Variants in ZDBF2 observed in about 807,000 individuals in gnomAD.
ZDBF2 encodes zinc finger DBF-type containing 2, also known as DBF4-type zinc finger-containing protein 2.
ZDBF2 carries 6 observed loss-of-function variants against 9.4 expected under a neutral mutation model. The observed-to-expected ratio is 0.64, with a 90% CI of 0.35 to 1.27. The LOEUF (loss-of-function observed/expected upper bound fraction) is 1.27, where lower values mean the gene tolerates loss of function less well. ZDBF2 is among the 50% of genes most tolerant of loss of function. The probability of loss-of-function intolerance (pLI) is 0.03; values close to 1 mark genes in which losing one functional copy is unlikely to be tolerated. For missense variants in ZDBF2, 2,697 were observed against 2,766.8 expected (o/e 0.97, Z 0.57); for synonymous variants, 905 against 946.3 (o/e 0.96, Z 0.80).
At chr2:206,282,030 C>A (rs1691347143) in intron 3 of ZDBF2, 121 bp downstream of exon 3, 1 of 908,632 alleles carries the variant, frequency 1.1e-6, no homozygotes, top group Non-Finnish European at 1.6e-6. Flanking sequence ...TATTAGTTGG[C>A]AGACACTGTT....
rs916178672 is a variant in ZDBF2, at chr2:206,311,710, G to T, written c.*117G>T. On this transcript the variant is annotated 3_prime_UTR_variant, in exon 5 of 5. Coordinates refer to ENST00000374423, the MANE Select transcript of ZDBF2 (RefSeq NM_020923.3). ...GAGAAAACTAATCTTGAACTATTTT[G>T]CTATAAATATTATTTTTCAGAATTT... 7.6e-6 allele frequency: 8 copies of T among 1,053,102 alleles called. No homozygotes were observed. Among genetic ancestry groups the T allele is most frequent in the African/African-American group, 3.3e-5 (2 of 60,624 alleles). The allele number at this position is 1,053,102 out of a possible 1,614,324, so 65.2% of individuals were successfully genotyped here.
chr2:206,291,391 G>A (rs980102623), intron 3 of ZDBF2, among the ~76,000 whole-genome samples: 3 of 152,124 alleles, frequency 2.0e-5, no homozygotes, highest in Admixed American at 6.6e-5. Context: ...AGGTGGAAAC[G>A]CTTGCTTGCC....
In ZDBF2 at chr2:206,311,771, CATTTT is replaced by C. The variant is rs973632436; in HGVS notation, c.*180_*184del. 57 of 572,738 alleles carry C rather than the reference CATTTT, an allele frequency of 1.0e-4. No homozygotes were observed. The East Asian group carries it at 2.0e-3, about 20-fold the overall frequency. The allele number at this position is 572,738 out of a possible 1,614,324, so 35.5% of individuals were successfully genotyped here. On this transcript the variant is annotated 3_prime_UTR_variant, in exon 5 of 5. Coordinates refer to ENST00000374423, the MANE Select transcript of ZDBF2 (RefSeq NM_020923.3). Reference sequence around the variant, plus strand: ...TTAAAATTAGTGTTTAGAGTCCTTTCATTTTAAGATTCAGAAACAGCCTTTGTCCA... The same window carrying C: ...TTAAAATTAGTGTTTAGAGTCCTTTCAAGATTCAGAAACAGCCTTTGTCCA...
chr2:206,296,689 G>A (rs1322598477), intron 3 of ZDBF2, among the ~76,000 whole-genome samples: 9 of 152,118 alleles, frequency 5.9e-5, no homozygotes, highest in East Asian at 1.9e-4. Context: ...GAAACCATAC[G>A]TGTGGTTTTT....
At chr2:206,299,804 C>G (rs1396464312) in intron 4 of ZDBF2, among the ~76,000 whole-genome samples, 1 of 148,960 alleles carries the variant, frequency 6.7e-6, no homozygotes. Context: ...GTCTTGGCCT[C>G]TAAAAAAAAA....
In ZDBF2 at chr2:206,309,750, G is replaced by C. The variant is rs554504771; in HGVS notation, c.5222G>C (p.Cys1741Ser). The C allele has an allele frequency of 8.7e-6, 14 of 1,613,964 alleles. No individual in the cohort carries two copies. The highest frequency in any genetic ancestry group is 1.2e-5 in the Non-Finnish European group (14 of 1,179,886). The change falls in exon 5 of 5, where the codon TGT (cysteine) becomes TCT (serine). Residue 1741 changes from cysteine to serine, a missense_variant. By Grantham distance (112) the Cys-to-Ser change is moderately radical (BLOSUM62 -1). Transcript: ENST00000374423. ...KLKHRDLEVS[C>S]EPDGFEMNFQ... Reference sequence around the variant, plus strand: ...AAACATAGAGATCTAGAAGTGAGCTGTGAACCGGATGGTTTTGAGATGAAT... The same window carrying C: ...AAACATAGAGATCTAGAAGTGAGCTCTGAACCGGATGGTTTTGAGATGAAT...
chr2:206,290,569 G>T (rs1035178753), intron 3 of ZDBF2, among the ~76,000 whole-genome samples: 2 of 152,154 alleles, frequency 1.3e-5, no homozygotes, highest in Non-Finnish European at 2.9e-5. Flanking sequence ...CACTTCTTAT[G>T]CTAAATTTAT....
At chr2:206,297,932 T>C (rs1409262757) in intron 4 of ZDBF2, among the ~76,000 whole-genome samples, 6 of 152,108 alleles carry the variant, frequency 3.9e-5, no homozygotes, top group Non-Finnish European at 2.9e-5. Context: ...CCACCCGCCT[T>C]GGCCTCCCAA....
At chr2:206,304,586 G>T in intron 4 of ZDBF2, 131 bp from the exon 5 acceptor site, 1 of 1,140,940 alleles carries the variant, frequency 8.8e-7, no homozygotes, top group East Asian at 2.6e-5. Flanking sequence ...TCAGCCTGGG[G>T]TGACTGCCTG....
Position 206,304,842 on chromosome 2 carries a change from A to T in ZDBF2, c.314A>T (p.Glu105Val). ...GTTGAGGATGAGGATGCTACCGAAG[A>T]GAGACCATCCGAGGTTTCAGAACCT... ...DKVEDEDATE[E>V]RPSEVSEPIE... Residue 105 changes from glutamate to valine, a missense_variant, in exon 5 of 5, where the codon GAG becomes GTG. By Grantham distance (121) the Glu-to-Val change is moderately radical. Transcript: ENST00000374423. 1 of 1,613,774 alleles carries T rather than the reference A, an allele frequency of 6.2e-7. No individual in the cohort carries two copies. Among genetic ancestry groups the T allele is most frequent in the Non-Finnish European group, 8.5e-7 (1 of 1,179,780 alleles).
chr2:206,310,996 C>A lies in ZDBF2; in HGVS notation c.6468C>A (p.Val2156=). 6.2e-7 allele frequency: 1 copy of A among 1,612,140 alleles called. No individual in the cohort carries two copies. Among genetic ancestry groups the A allele is most frequent in the South Asian group, 1.1e-5 (1 of 90,434 alleles). ...FQLTFLNHDV[V]KISPKSVRNK... ...TAACATTTTTAAATCATGATGTTGTCAAAATCTCTCCAAAATCAGTTAGAA... is the reference window on the plus strand; with the variant it reads ...TAACATTTTTAAATCATGATGTTGTAAAAATCTCTCCAAAATCAGTTAGAA... Residue 2156 remains valine (V), a synonymous_variant, in exon 5 of 5, where the codon GTC becomes GTA. Coordinates refer to ENST00000374423, the MANE Select transcript of ZDBF2 (RefSeq NM_020923.3).
At chr2:206,276,123 A>G (rs1029019900) in intron 1 of ZDBF2, among the ~76,000 whole-genome samples, 2 of 152,238 alleles carry the variant, frequency 1.3e-5, no homozygotes, top group African/African-American at 4.8e-5. Flanking sequence ...TTTAAAAAAA[A>G]ATAAGATCGC....
At position 206,306,971 on chromosome 2, in the gene ZDBF2, G is replaced by A. The variant is rs1692835457; in HGVS notation, c.2443G>A (p.Val815Ile). The A allele has an allele frequency of 1.2e-6, 2 of 1,613,648 alleles. No homozygotes were observed. Among genetic ancestry groups the A allele is most frequent in the Non-Finnish European group, 1.7e-6 (2 of 1,179,742 alleles). The change falls in exon 5 of 5, where the codon GTT (valine) becomes ATT (isoleucine). Residue 815 changes from valine to isoleucine, a missense_variant. This residue lies in a region of ZDBF2 where 910 missense variants were observed against 973.6 expected (regional missense o/e 0.93). Coordinates refer to ENST00000374423, the MANE Select transcript of ZDBF2 (RefSeq NM_020923.3). ...AGTAGCTGTTTATGAGGAAGAAACTGTTGATCTGGAAAGTAAAAGTAATGA... is the reference window on the plus strand; with the variant it reads ...AGTAGCTGTTTATGAGGAAGAAACTATTGATCTGGAAAGTAAAAGTAATGA... The part of the protein sequence containing the change: ...PEVAVYEEET[V>I]DLESKSNESC...
rs757363502 is a variant in ZDBF2 at position 206,307,603 on chromosome 2, G to A, written c.3075G>A (p.Lys1025=). Residue 1025 remains lysine, a synonymous_variant, in exon 5 of 5, where the codon AAG becomes AAA. Coordinates refer to ENST00000374423, the MANE Select transcript of ZDBF2 (RefSeq NM_020923.3). ...QVAVNKINRK[K]QYVLENKNDK... is the part of the protein sequence containing the mutation. The stretch of plus-strand genomic sequence containing the variant: ...CTGTTAACAAAATAAACAGAAAGAA[G>A]CAATATGTTCTAGAAAACAAGAATG... 3.1e-6 allele frequency: 5 copies of A among 1,612,320 alleles called. No individual in the cohort carries two copies. The highest frequency in any genetic ancestry group is 1.1e-5 in the South Asian group (1 of 90,530).
chr2:206,287,560 G>A (rs2105910923), intron 3 of ZDBF2, among the ~76,000 whole-genome samples: 1 of 152,260 alleles, frequency 6.6e-6, no homozygotes, highest in Middle Eastern at 3.4e-3. Flanking sequence ...TTTTTGGGTT[G>A]AATGTATTTG....
chr2:206,303,684 T>G (rs1259989199), intron 4 of ZDBF2, among the ~76,000 whole-genome samples: 1 of 152,192 alleles, frequency 6.6e-6, no homozygotes, highest in African/African-American at 2.4e-5. Context: ...CTTCTTAAAT[T>G]GCTGCCATCC....
Position 206,307,067 on chromosome 2 carries a change from G to A in ZDBF2, c.2539G>A (p.Ala847Thr). The A allele has an allele frequency of 6.2e-7, 1 of 1,612,054 alleles. No individual in the cohort carries two copies. The highest frequency in any genetic ancestry group is 8.5e-7 in the Non-Finnish European group (1 of 1,179,350). The change falls in exon 5 of 5, where the codon GCT (alanine) becomes ACT (threonine). Residue 847 changes from alanine (A) to threonine (T), a missense_variant. Transcript: ENST00000374423. ...LHSGNDHPEV[A>T]VKEVIQKEEY... The stretch of plus-strand genomic sequence containing the variant: ...TTCAGGAAATGATCACCCTGAAGTA[G>A]CTGTTAAAGAAGTAATTCAGAAAGA...
intron 3 of ZDBF2, among the ~76,000 whole-genome samples, chr2:206,290,349 C>T (rs1691824361): frequency 1.3e-5 from 2 of 152,248 alleles, no homozygotes; most frequent in African/African-American, 4.8e-5. Flanking sequence ...CCTTGTATTT[C>T]CATGTGAATT....
At chr2:206,297,739 G>T (rs186811522) in intron 4 of ZDBF2, among the ~76,000 whole-genome samples, 60 of 152,254 alleles carry the variant, frequency 3.9e-4, no homozygotes, top group African/African-American at 1.4e-3. Flanking sequence ...GAGAGCAATG[G>T]CACGATCTCA....
Sources: allele counts gnomAD v4.1 joint callset (sites outside exome capture counted in the v4.1 genomes callset), GRCh38; gene constraint gnomAD v4.1.1; regional missense constraint gnomAD v4.1.1; transcripts MANE v1.5; gene names NCBI Gene and HGNC (gene_info 2026-07-23, HGNC 2026-07-21).